Variants in TRPM2 observed in about 807,000 individuals in gnomAD.
The protein encoded by TRPM2 is transient receptor potential cation channel subfamily M member 2, also known as estrogen-responsive element-associated gene 1 protein.
A neutral mutation model predicts 174.0 loss-of-function variants in TRPM2; 161 were observed. The ratio of observed to expected loss-of-function variants is 0.93; its 90% CI spans 0.81 to 1.05. The LOEUF is 1.05. Ranked by LOEUF, TRPM2 falls within the 50% of genes least tolerant of loss-of-function variation. TRPM2 has a pLI of 0.00. For missense variants in TRPM2, 2,057 were observed against 2,038.0 expected (o/e 1.01, Z -0.18); for synonymous variants, 954 against 861.3 (o/e 1.11, Z -1.88).
rs2048692096 is a variant in TRPM2, at chr21:44,376,112, T to C, written c.952+99T>C. ...TCACGACCAGGACGTTCAACAGGCC[T>C]GGCGTTTGGCAGAGAGTGCAGTGGG... is the stretch of plus-strand genomic sequence containing the variant. On this transcript the variant is annotated intron_variant, in intron 6 of 31. Coordinates refer to ENST00000397928, the MANE Select transcript of TRPM2 (RefSeq NM_003307.4). The surrounding 1 kb of genome is among the most constrained non-coding windows in gnomAD (Gnocchi z 4.2). 1 of 1,424,340 alleles carries C rather than the reference T, an allele frequency of 7.0e-7. No individual in the cohort carries two copies. Among genetic ancestry groups the C allele is most frequent in the South Asian group, 1.3e-5 (1 of 74,354 alleles). 88.2% of individuals were successfully genotyped at this position (1,424,340 alleles called of 1,614,324 possible). A position where few individuals can be genotyped will look rare whatever the true frequency, so the allele number is the denominator to read the frequency against.
chr21:44,422,490 G>A (rs1385943789), intron 22 of TRPM2: 14 of 1,503,902 alleles, frequency 9.3e-6, no homozygotes, highest in Non-Finnish European at 1.2e-5. Flanking sequence ...CAGGCCTGGA[G>A]CGAAATCACT....
chr21:44,441,636 C>T, intron 31 of TRPM2, 56 bp from the exon 32 acceptor site: 3 of 1,566,468 alleles, frequency 1.9e-6, no homozygotes, highest in Non-Finnish European at 2.6e-6. Context: ...CCGTAGGGCT[C>T]AGCTGGGCAG....
intron 19 of TRPM2, among the ~76,000 whole-genome samples, chr21:44,411,104 G>A (rs181885366): frequency 3.4e-4 from 52 of 152,276 alleles, no homozygotes; most frequent in Non-Finnish European, 6.5e-4. Context: ...TTTGAAATTC[G>A]GAAGTGTGAG....
rs1619968 is a variant in TRPM2, at chr21:44,400,094, A to G, written c.2209-165A>G. 0.75 allele frequency among the ~76,000 whole-genome samples: 114,472 copies of G among 152,028 alleles called. 43,182 individuals carry two copies. Among genetic ancestry groups the G allele is most frequent in the East Asian group, 0.81 (4,149 of 5,142 alleles). ...GAGGTCAGGTGAAAGGCGGGATTGG[A>G]CACCCAAAGCCCCAGGGCAAGCTCT... On this transcript the variant is annotated intron_variant, in intron 14 of 31. Transcript: ENST00000397928.
Position 44,405,159 on chromosome 21 carries a change from C to G in TRPM2, c.2556C>G (p.Asp852Glu). ...CCCAGTAGCTCTTCTATGACCCTGA[C>G]GAGTGCGGGCTGATGAAGAAGGCAG... is the stretch of plus-strand genomic sequence containing the variant. ...EEMRQLFYDP[D>E]ECGLMKKAAL... The change falls in exon 17 of 32, where the codon GAC becomes GAG. Residue 852 changes from aspartate to glutamate, a missense_variant. Asp to Glu is a conservative substitution (Grantham distance 45). Coordinates refer to ENST00000397928, the MANE Select transcript of TRPM2 (RefSeq NM_003307.4). 3 of 1,613,452 alleles carry G rather than the reference C, an allele frequency of 1.9e-6. No individual in the cohort carries two copies. The highest frequency in any genetic ancestry group is 1.1e-5 in the South Asian group (1 of 91,084).
intron 19 of TRPM2, among the ~76,000 whole-genome samples, chr21:44,407,476 T>TTTTTA (rs1555897773): frequency 2.4e-4 from 22 of 93,254 alleles, no homozygotes; most frequent in African/African-American, 7.7e-4. Flanking sequence ...TTTTTTTTTT[T>TTTTTA]AACAGCTTCA....
Position 44,397,774 on chromosome 21 carries a change from G to T in TRPM2, c.1960G>T (p.Ala654Ser). The T allele has an allele frequency of 6.2e-7, 1 of 1,600,950 alleles. No individual in the cohort carries two copies. The highest frequency in any genetic ancestry group is 8.5e-7 in the Non-Finnish European group (1 of 1,173,940). Reference sequence around the variant, plus strand: ...CCAGGACTGCATCGCAGCGGCCTTGGCCTGCAGCAAGATCCTGAAGGAACT... The same window carrying T: ...CCAGGACTGCATCGCAGCGGCCTTGTCCTGCAGCAAGATCCTGAAGGAACT... ...QSQDCIAAAL[A>S]CSKILKELSK... The change falls in exon 13 of 32, where the codon GCC becomes TCC. Residue 654 changes from alanine to serine, a missense_variant. Physicochemically the swap from Ala to Ser is moderately conservative, Grantham distance 99 (BLOSUM62 1). Coordinates refer to ENST00000397928, the MANE Select transcript of TRPM2 (RefSeq NM_003307.4).
Position 44,442,463 on chromosome 21 carries a change from G to C in TRPM2, c.*646G>C, listed in dbSNP as rs1002139776. On this transcript the variant is annotated 3_prime_UTR_variant, in exon 32 of 32. Coordinates refer to ENST00000397928, the MANE Select transcript of TRPM2 (RefSeq NM_003307.4). ...GGGACCCTGGGACGAGGCTGCAGAA[G>C]CTCTCCCTCCCTACTCCCTGGGAGC... 4 of 152,288 alleles carry C rather than the reference G, an allele frequency of 2.6e-5. No homozygotes were observed. The highest frequency in any genetic ancestry group is 9.6e-5 in the African/African-American group (4 of 41,478). The allele number at this position is 152,288 out of a possible 1,614,324, so 9.4% of individuals were successfully genotyped here.
Position 44,354,821 on chromosome 21 carries a change from G to A in TRPM2, c.254+85G>A. On this transcript the variant is annotated intron_variant, in intron 2 of 31. Transcript: ENST00000397928. The surrounding 1 kb of genome is among the most constrained non-coding windows in gnomAD (Gnocchi z 4.3). ...TAGCTGATCAGGCCAAGACCCCTCA[G>A]GGCCTCAGTGAAGGGTCACTGGAGA... 1 of 1,219,804 alleles carries A rather than the reference G, an allele frequency of 8.2e-7. No homozygotes were observed. Among genetic ancestry groups the A allele is most frequent in the Non-Finnish European group, 1.2e-6 (1 of 822,650 alleles). 75.6% of individuals were successfully genotyped at this position (1,219,804 alleles called of 1,614,324 possible).
intron 3 of TRPM2, 152 bp downstream of exon 3, chr21:44,364,434 G>A: frequency 1.1e-6 from 1 of 911,670 alleles, no homozygotes; most frequent in Non-Finnish European, 1.6e-6. Flanking sequence ...AAGCGGCGGG[G>A]AGGGGCTCTG....
chr21:44,393,757 A>AT (rs199858477), intron 11 of TRPM2, among the ~76,000 whole-genome samples: 3,001 of 134,582 alleles, frequency 0.022, 42 homozygotes, highest in African/African-American at 0.03. Flanking sequence ...CTAAGATCAC[A>AT]TTTTTTTTTT....
At chr21:44,377,009 C>T (rs1408469185) in intron 6 of TRPM2, among the ~76,000 whole-genome samples, 1 of 150,694 alleles carries the variant, frequency 6.6e-6, no homozygotes, top group African/African-American at 2.5e-5. Context: ...GGACCAGGGA[C>T]CACACTTTGA....
chr21:44,368,998 T>C, intron 4 of TRPM2, 179 bp from the exon 5 acceptor site: 2 of 591,456 alleles, frequency 3.4e-6, no homozygotes, highest in Non-Finnish European at 5.5e-6. Context: ...CCACCCCACC[T>C]GAGCGCGTGG....
At chr21:44,424,400 G>A (rs893816438) in intron 23 of TRPM2, among the ~76,000 whole-genome samples, 23 of 152,236 alleles carry the variant, frequency 1.5e-4, no homozygotes, top group African/African-American at 5.3e-4. Context: ...TGAGCCACAC[G>A]AGTGAGACAT....
intron 19 of TRPM2, among the ~76,000 whole-genome samples, chr21:44,410,341 CTTGGTTG>C: frequency 2.0e-5 from 1 of 50,738 alleles, no homozygotes; most frequent in African/African-American, 5.9e-5. Flanking sequence ...ACCACACTGT[CTTGGTTG>C]GTGTAGCCTT....
At chr21:44,435,373 A>G (rs1240067674) in intron 28 of TRPM2, among the ~76,000 whole-genome samples, 156 bp downstream of exon 28, 1 of 152,040 alleles carries the variant, frequency 6.6e-6, no homozygotes, top group Non-Finnish European at 1.5e-5. Flanking sequence ...GCGTCTGTGG[A>G]TAAACGTGAA....
At chr21:44,357,265 G>A (rs1026473369) in intron 2 of TRPM2, among the ~76,000 whole-genome samples, 12 of 152,202 alleles carry the variant, frequency 7.9e-5, no homozygotes, top group African/African-American at 2.2e-4. Context: ...TCTGCCAGTC[G>A]GCTCTGCGTG....
At chr21:44,381,105 C>T (rs933553507) in intron 8 of TRPM2, among the ~76,000 whole-genome samples, 4 of 151,896 alleles carry the variant, frequency 2.6e-5, no homozygotes, top group Admixed American at 6.6e-5. Context: ...GATGGGGCAC[C>T]GTTGGGGTCT....
intron 5 of TRPM2, among the ~76,000 whole-genome samples, chr21:44,375,418 C>T (rs1349413622): frequency 1.3e-5 from 2 of 152,236 alleles, no homozygotes; most frequent in African/African-American, 4.8e-5. Context: ...AACAAATGGC[C>T]TCAAGCCTGA....
Sources: allele counts gnomAD v4.1 joint callset (sites outside exome capture counted in the v4.1 genomes callset), GRCh38; gene constraint gnomAD v4.1.1; non-coding constraint Gnocchi (gnomAD v3.1); transcripts MANE v1.5; gene names NCBI Gene and HGNC (gene_info 2026-07-23, HGNC 2026-07-21).